Variants in ATXN7L1 observed in about 807,000 individuals in gnomAD.
ATXN7L1 encodes the protein ataxin 7 like 1.
ATXN7L1 carries 15 observed loss-of-function variants against 70.8 expected under a neutral mutation model. That is an observed-to-expected ratio of 0.21 (90% CI 0.14 to 0.33). ATXN7L1 has a LOEUF of 0.33. Among genes scored for constraint, ATXN7L1 ranks in the 10% least tolerant of loss-of-function variants. The pLI is 1.00. For missense variants in ATXN7L1, 975 were observed against 1,097.1 expected (o/e 0.89, Z 1.57); for synonymous variants, 440 against 445.1 (o/e 0.99, Z 0.14).
At chr7:105,710,848 C>T (rs1793818325) in intron 3 of ATXN7L1, among the ~76,000 whole-genome samples, 1 of 152,118 alleles carries the variant, frequency 6.6e-6, no homozygotes, top group Non-Finnish European at 1.5e-5. Flanking sequence ...TAAAGACATA[C>T]CCGAGACTGG....
At chr7:105,740,166 A>G (rs781613871) in intron 3 of ATXN7L1, among the ~76,000 whole-genome samples, 1 of 152,234 alleles carries the variant, frequency 6.6e-6, no homozygotes, top group Non-Finnish European at 1.5e-5. Flanking sequence ...TGAATCAAGA[A>G]CAAAGTCAGG....
At chr7:105,701,998 C>T (rs1452688050) in intron 3 of ATXN7L1, among the ~76,000 whole-genome samples, 2 of 152,234 alleles carry the variant, frequency 1.3e-5, no homozygotes, top group Admixed American at 6.5e-5. Flanking sequence ...TTGGCAGCAG[C>T]AGGCTATGGG....
chr7:105,618,434 TA>T (rs1794248539), intron 9 of ATXN7L1, among the ~76,000 whole-genome samples: 1 of 152,176 alleles, frequency 6.6e-6, no homozygotes, highest in Non-Finnish European at 1.5e-5. Context: ...TACCTTATAG[TA>T]AATGTTAACA....
intron 3 of ATXN7L1, among the ~76,000 whole-genome samples, chr7:105,700,974 G>A (rs765288352): frequency 1.5e-4 from 23 of 152,268 alleles, no homozygotes; most frequent in Non-Finnish European, 2.1e-4. Flanking sequence ...TAGCTACTGC[G>A]GCCGGCCCCT....
rs1793642256 is a variant in ATXN7L1 at position 105,614,884 on chromosome 7, T to A, written c.1518-68A>T. On this transcript the variant is annotated intron_variant, in intron 9 of 11. Transcript: ENST00000419735. This position sits in a 1 kb window ranked among gnomAD's most constrained non-coding sequence, Gnocchi z 4.3. Reference sequence around the variant, plus strand: ...GGTTGGCATTGCTCAGGAGGCTCGATGACGTTTGAGGATCAGGGCTACAGA... The same window carrying A: ...GGTTGGCATTGCTCAGGAGGCTCGAAGACGTTTGAGGATCAGGGCTACAGA... 2 of 1,490,804 alleles carry A rather than the reference T, an allele frequency of 1.3e-6. No individual in the cohort carries two copies. Among genetic ancestry groups the A allele is most frequent in the South Asian group, 2.7e-5 (2 of 74,376 alleles). 92.3% of individuals were successfully genotyped at this position (1,490,804 alleles called of 1,614,324 possible).
chr7:105,776,757 C>G (rs1802794733), intron 3 of ATXN7L1, among the ~76,000 whole-genome samples: 1 of 152,076 alleles, frequency 6.6e-6, no homozygotes, highest in African/African-American at 2.4e-5. Context: ...GCCTGTTTAT[C>G]CACCTGTTTA....
intron 3 of ATXN7L1, among the ~76,000 whole-genome samples, chr7:105,669,780 G>A (rs909944970): frequency 2.0e-5 from 3 of 152,068 alleles, no homozygotes; most frequent in African/African-American, 4.8e-5. Context: ...TTAGCTGGGC[G>A]TGGTGGCGCA....
intron 9 of ATXN7L1, among the ~76,000 whole-genome samples, chr7:105,619,140 G>GTTTTTGTTT (rs1794384009): frequency 2.0e-5 from 1 of 49,846 alleles, no homozygotes; most frequent in African/African-American, 8.2e-5. Context: ...GAAATCTTTA[G>GTTTTTGTTT]TTTTTTTTTT....
At chr7:105,721,238 G>C (rs550427788) in intron 3 of ATXN7L1, among the ~76,000 whole-genome samples, 39 of 152,228 alleles carry the variant, frequency 2.6e-4, no homozygotes, top group African/African-American at 8.2e-4. Flanking sequence ...AGGGTGACAG[G>C]GCACAGAAGT....
At chr7:105,725,672 C>T (rs1305129325) in intron 3 of ATXN7L1, among the ~76,000 whole-genome samples, 7 of 152,000 alleles carry the variant, frequency 4.6e-5, no homozygotes, top group African/African-American at 7.3e-5. Flanking sequence ...CCTCCCCCTC[C>T]CAAGTTCAAG....
chr7:105,825,368 T>C (rs1810721222), intron 2 of ATXN7L1, among the ~76,000 whole-genome samples: 1 of 152,008 alleles, frequency 6.6e-6, no homozygotes, highest in Non-Finnish European at 1.5e-5. Context: ...CACAGTAGGC[T>C]GAGGGGCTAA....
At chr7:105,774,917 T>C (rs905786963) in intron 3 of ATXN7L1, among the ~76,000 whole-genome samples, 1 of 152,098 alleles carries the variant, frequency 6.6e-6, no homozygotes, top group Non-Finnish European at 1.5e-5. Context: ...AAGCAAAGTA[T>C]CTATGACGCT....
rs549373459 is a variant in ATXN7L1, at chr7:105,652,098, C to T, written c.579-8977G>A. On this transcript the variant is annotated intron_variant, in intron 4 of 11. Coordinates refer to ENST00000419735, the MANE Select transcript of ATXN7L1 (RefSeq NM_020725.2). ...AGTCCTAGTGCCCTAGGACTGTGAA[C>T]AAGTCAGCAAGTCAGAGAAGAGGAG... Among the ~76,000 whole-genome samples, 21 of 152,136 alleles carry T rather than the reference C, an allele frequency of 1.4e-4. No individual in the cohort carries two copies. In the South Asian group the frequency reaches 2.7e-3, roughly 20 times the overall value.
chr7:105,766,068 G>A (rs1391091481), intron 3 of ATXN7L1, among the ~76,000 whole-genome samples: 1 of 151,526 alleles, frequency 6.6e-6, no homozygotes, highest in African/African-American at 2.4e-5. Flanking sequence ...CAACCCTTTG[G>A]CATAGGCAGG....
chr7:105,679,766 A>C (rs568350784), intron 3 of ATXN7L1, among the ~76,000 whole-genome samples: 2 of 152,258 alleles, frequency 1.3e-5, no homozygotes, highest in African/African-American at 4.8e-5. Flanking sequence ...TGTGGTTGTC[A>C]GGGGCAGGCT....
At chr7:105,840,539 T>A (rs917583913) in intron 2 of ATXN7L1, among the ~76,000 whole-genome samples, 7 of 152,254 alleles carry the variant, frequency 4.6e-5, no homozygotes, top group African/African-American at 1.7e-4. Flanking sequence ...ATTCTCAGAT[T>A]CACCAGTGCC....
intron 3 of ATXN7L1, among the ~76,000 whole-genome samples, chr7:105,721,381 G>A (rs1033145863): frequency 3.9e-5 from 6 of 152,170 alleles, no homozygotes; most frequent in East Asian, 1.9e-4. Flanking sequence ...GGTGCGAAGC[G>A]GAGCTGCTGG....
chr7:105,756,294 C>T (rs748447384), intron 3 of ATXN7L1, among the ~76,000 whole-genome samples: 1 of 152,100 alleles, frequency 6.6e-6, no homozygotes, highest in Non-Finnish European at 1.5e-5. Flanking sequence ...AAGGAGGGCA[C>T]AACCCACCAT....
chr7:105,870,113 C>G (rs1818033948), intron 2 of ATXN7L1, among the ~76,000 whole-genome samples: 1 of 151,996 alleles, frequency 6.6e-6, no homozygotes, highest in Non-Finnish European at 1.5e-5. Flanking sequence ...AACCCAGCCT[C>G]TACTAAAAAT....
Sources: allele counts gnomAD v4.1 joint callset (sites outside exome capture counted in the v4.1 genomes callset), GRCh38; gene constraint gnomAD v4.1.1; non-coding constraint Gnocchi (gnomAD v3.1); transcripts MANE v1.5; gene names NCBI Gene and HGNC (gene_info 2026-07-23, HGNC 2026-07-21).